KHDRBS2: variants seen among roughly 807,000 people sequenced by gnomAD.
KHDRBS2 encodes the protein KH RNA binding domain containing, signal transduction associated 2, also known as KH domain-containing, RNA-binding, signal transduction-associated protein 2.
A neutral mutation model predicts 44.3 loss-of-function variants in KHDRBS2; 26 were observed. That is an observed-to-expected ratio of 0.59 (90% CI 0.43 to 0.81). The LOEUF (loss-of-function observed/expected upper bound fraction) is 0.81. Among genes scored for constraint, KHDRBS2 ranks in the 40% least tolerant of loss-of-function variants. The probability of loss-of-function intolerance (pLI) is 0.00; values close to 1 mark genes in which losing one functional copy is unlikely to be tolerated. For synonymous variants in KHDRBS2, 194 were observed against 151.1 expected, an observed-to-expected ratio of 1.28 and a Z score of -2.08; for missense variants, 476 against 433.1, an observed-to-expected ratio of 1.10 and a Z score of -0.88.
intron 1 of KHDRBS2, among the ~76,000 whole-genome samples, chr6:62,224,293 T>C (rs1831390134): frequency 6.6e-6 from 1 of 152,090 alleles, no homozygotes; most frequent in Non-Finnish European, 1.5e-5. Context: ...ACAAGAACAG[T>C]ATGGAGGAAA....
intron 2 of KHDRBS2, among the ~76,000 whole-genome samples, chr6:62,054,156 G>C (rs1789735476): frequency 6.6e-6 from 1 of 152,068 alleles, no homozygotes; most frequent in Non-Finnish European, 1.5e-5. Context: ...CATAGGGTTT[G>C]GATCAACTTA....
intron 3 of KHDRBS2, among the ~76,000 whole-genome samples, chr6:62,030,751 T>C (rs768640213): frequency 1.3e-4 from 20 of 152,240 alleles, no homozygotes; most frequent in Middle Eastern, 3.4e-3. Flanking sequence ...AAAAAGATTA[T>C]ATAAATGTCC....
chr6:61,811,747 A>G (rs543949981), intron 6 of KHDRBS2, among the ~76,000 whole-genome samples: 3 of 152,148 alleles, frequency 2.0e-5, no homozygotes, highest in South Asian at 4.1e-4. Context: ...GATTAAACAC[A>G]TTTAACATTT....
At position 61,870,785 on chromosome 6, in the gene KHDRBS2, TGA is replaced by T. The variant is rs2127303110; in HGVS notation, c.810+23848_810+23849del. ...CCAGCAGACGTGCAGCAGAGGGGCC[TGA>T]CTATTAGAAGAAAAACTAACAAACA... On this transcript the variant is annotated intron_variant, in intron 6 of 8. Coordinates refer to ENST00000281156, the MANE Select transcript of KHDRBS2 (RefSeq NM_152688.4). Among the ~76,000 whole-genome samples the T allele has an allele frequency of 2.7e-5, 3 of 109,826 alleles. No homozygotes were observed. In the South Asian group the frequency reaches 1.0e-3, roughly 38 times the overall value. 72.1% of individuals were successfully genotyped at this position (109,826 alleles called of 152,430 possible).
chr6:61,569,123 C>T, the KHDRBS2 span, among the ~76,000 whole-genome samples: 1 of 152,074 alleles, frequency 6.6e-6, no homozygotes, highest in Non-Finnish European at 1.5e-5. Flanking sequence ...AGGCCTCTCG[C>T]TACTGGCTAT....
the KHDRBS2 span, among the ~76,000 whole-genome samples, chr6:61,557,701 G>A: frequency 2.0e-5 from 3 of 152,122 alleles, no homozygotes; most frequent in African/African-American, 7.2e-5. Context: ...GTGTAAGCAG[G>A]ATTGATATTA....
intron 7 of KHDRBS2, 44 bp downstream of exon 7, chr6:61,732,638 A>T: frequency 1.8e-6 from 2 of 1,081,586 alleles, no homozygotes; most frequent in Non-Finnish European, 2.8e-6. Flanking sequence ...AAAATTGATT[A>T]GAGATAATCC....
At chr6:62,045,030 G>A (rs2127303303) in intron 3 of KHDRBS2, among the ~76,000 whole-genome samples, 1 of 152,154 alleles carries the variant, frequency 6.6e-6, no homozygotes, top group Non-Finnish European at 1.5e-5. Context: ...GAGACTGGAA[G>A]CTGGACATAA....
chr6:62,216,609 G>C (rs1184106460), intron 1 of KHDRBS2, among the ~76,000 whole-genome samples: 2 of 151,428 alleles, frequency 1.3e-5, no homozygotes, highest in East Asian at 3.9e-4. Context: ...TGAGATGGTG[G>C]TGGTCTTGGG....
intron 7 of KHDRBS2, among the ~76,000 whole-genome samples, chr6:61,713,843 A>G (rs530046136): frequency 2.2e-4 from 33 of 151,880 alleles, no homozygotes; most frequent in Middle Eastern, 3.4e-3. Context: ...ATGGCCATAC[A>G]CAGAAGAATG....
intron 1 of KHDRBS2, among the ~76,000 whole-genome samples, chr6:62,280,654 G>A (rs1427161171): frequency 6.6e-6 from 1 of 152,164 alleles, no homozygotes; most frequent in Non-Finnish European, 1.5e-5. Flanking sequence ...AAGGAAACAA[G>A]GAAGGACAAA....
At chr6:62,005,100 T>A in intron 3 of KHDRBS2, among the ~76,000 whole-genome samples, 1 of 152,130 alleles carries the variant, frequency 6.6e-6, no homozygotes, top group East Asian at 1.9e-4. Context: ...TTTGAAGTTC[T>A]GATTACAATC....
chr6:61,812,754 C>G (rs548901177), intron 6 of KHDRBS2, among the ~76,000 whole-genome samples: 2 of 151,928 alleles, frequency 1.3e-5, no homozygotes, highest in Non-Finnish European at 2.9e-5. Context: ...TGGTAACATT[C>G]CTTACAAGGA....
the KHDRBS2 span, among the ~76,000 whole-genome samples, chr6:61,598,024 C>T: frequency 1.3e-5 from 2 of 150,098 alleles, no homozygotes; most frequent in African/African-American, 4.9e-5. Flanking sequence ...GAGCAGCCAG[C>T]CTTTCACTGG....
At chr6:61,706,216 T>A (rs1178293431) in intron 7 of KHDRBS2, among the ~76,000 whole-genome samples, 1 of 151,776 alleles carries the variant, frequency 6.6e-6, no homozygotes, top group Non-Finnish European at 1.5e-5. Flanking sequence ...TTCGGGACCC[T>A]CATGCGATCT....
chr6:61,636,444 C>T, the KHDRBS2 span, among the ~76,000 whole-genome samples: 9 of 152,166 alleles, frequency 5.9e-5, no homozygotes, highest in Middle Eastern at 3.4e-3. Context: ...GTCCTCATAC[C>T]TTTATGGACT....
At chr6:62,137,743 T>G (rs1194296487) in intron 2 of KHDRBS2, among the ~76,000 whole-genome samples, 1 of 152,136 alleles carries the variant, frequency 6.6e-6, no homozygotes, top group East Asian at 1.9e-4. Context: ...CAAGGCAACG[T>G]ATAAAGTTTT....
At chr6:61,793,764 C>G (rs1784945572) in intron 6 of KHDRBS2, among the ~76,000 whole-genome samples, 1 of 152,018 alleles carries the variant, frequency 6.6e-6, no homozygotes, top group Admixed American at 6.6e-5. Flanking sequence ...AAATCAAACA[C>G]TTATTTTTGT....
rs573469075 is a variant in KHDRBS2, at chr6:61,893,784, G to A, written c.810+851C>T. On this transcript the variant is annotated intron_variant, in intron 6 of 8. Transcript: ENST00000281156. ...GGAGCGGGGAGGGATAGCATTAGGA[G>A]ATATACCTAATGTAAATGATGAGTT... 5.5e-4 allele frequency among the ~76,000 whole-genome samples: 83 copies of A among 152,072 alleles called. No individual in the cohort carries two copies. In the Middle Eastern group the frequency reaches 0.01, roughly 19 times the overall value.
Sources: allele counts gnomAD v4.1 joint callset (sites outside exome capture counted in the v4.1 genomes callset), GRCh38; gene constraint gnomAD v4.1.1; transcripts MANE v1.5; gene names NCBI Gene and HGNC (gene_info 2026-07-23, HGNC 2026-07-21).